Variants in GSE1 observed in about 807,000 individuals in gnomAD.
GSE1 encodes genetic suppressor element 1.
GSE1 carries 32 observed loss-of-function variants against 112.6 expected under a neutral mutation model. The ratio of observed to expected loss-of-function variants is 0.28; its 90% confidence interval spans 0.21 to 0.38. The LOEUF is 0.38. Among genes scored for constraint, GSE1 ranks in the 10% least tolerant of loss-of-function variants. The pLI is 1.00. For missense variants in GSE1, 2,348 were observed against 1,699.2 expected (o/e 1.38, Z -6.71); for synonymous variants, 1,115 against 735.6 (o/e 1.52, Z -8.35).
At chr16:85,259,993 C>G (rs574447569) in intron 1 of GSE1, among the ~76,000 whole-genome samples, 2 of 152,352 alleles carry the variant, frequency 1.3e-5, no homozygotes, top group South Asian at 2.1e-4. Context: ...AGGCCTACCG[C>G]AAGGCTCAGG....
chr16:85,502,889 G>C (rs2051417694), intron 2 of GSE1, among the ~76,000 whole-genome samples: 1 of 152,254 alleles, frequency 6.6e-6, no homozygotes, highest in South Asian at 2.1e-4. Flanking sequence ...AGAGCTGCCT[G>C]TTCCAGGAGG....
At chr16:85,258,426 G>A (rs2144084187) in intron 1 of GSE1, among the ~76,000 whole-genome samples, 1 of 152,318 alleles carries the variant, frequency 6.6e-6, no homozygotes, top group South Asian at 2.1e-4. Context: ...TTCTTCCACT[G>A]AACACATTCT....
At chr16:85,267,567 G>C (rs2144151452) in intron 1 of GSE1, among the ~76,000 whole-genome samples, 1 of 152,282 alleles carries the variant, frequency 6.6e-6, no homozygotes, top group East Asian at 1.9e-4. Flanking sequence ...CTTGCATCTA[G>C]CTGCTCTCCC....
chr16:85,564,899 C>T (rs573159310), intron 1 of GSE1, among the ~76,000 whole-genome samples: 5 of 152,206 alleles, frequency 3.3e-5, no homozygotes, highest in East Asian at 3.9e-4. Flanking sequence ...GTGTGGCGGA[C>T]GGGCCCCTTC....
intron 2 of GSE1, among the ~76,000 whole-genome samples, chr16:85,534,873 G>A (rs551259591): frequency 1.3e-5 from 2 of 152,336 alleles, no homozygotes; most frequent in Non-Finnish European, 1.5e-5. Context: ...TAGCGATTTA[G>A]CGATTTGTTG....
chr16:85,569,647 C>A (rs56341718), intron 1 of GSE1, among the ~76,000 whole-genome samples: 19,308 of 152,206 alleles, frequency 0.13, 3,174 homozygotes, highest in African/African-American at 0.37. Context: ...CAGCGCAGGA[C>A]CTCCTGGGAC....
intron 1 of GSE1, among the ~76,000 whole-genome samples, chr16:85,321,947 C>G (rs545537827): frequency 6.6e-6 from 1 of 152,318 alleles, no homozygotes; most frequent in African/African-American, 2.4e-5. Flanking sequence ...GGGGTAGAGC[C>G]AGACCCCAAG....
chr16:85,531,128 G>T (rs1299302958), intron 2 of GSE1, among the ~76,000 whole-genome samples: 4 of 152,256 alleles, frequency 2.6e-5, no homozygotes, highest in Non-Finnish European at 1.5e-5. Context: ...CTTTATTTGG[G>T]AAATGATCTC....
intron 2 of GSE1, among the ~76,000 whole-genome samples, chr16:85,468,606 G>A (rs186409233): frequency 4.7e-4 from 72 of 152,160 alleles, no homozygotes; most frequent in South Asian, 1.7e-3. Context: ...ACAGGTGTGA[G>A]ACACCACCCC....
intron 1 of GSE1, among the ~76,000 whole-genome samples, chr16:85,600,562 A>C (rs369552711): frequency 9.3e-4 from 138 of 148,644 alleles, no homozygotes; most frequent in East Asian, 2.0e-3. Context: ...CTTGTTAAAA[A>C]ACACACACAC....
intron 1 of GSE1, among the ~76,000 whole-genome samples, chr16:85,336,973 T>G (rs2046502599): frequency 6.8e-6 from 1 of 147,544 alleles, no homozygotes; most frequent in South Asian, 2.2e-4. Flanking sequence ...TAGGCACACA[T>G]ATACATGGGC....
At chr16:85,386,199 C>T (rs1317680204) in intron 2 of GSE1, among the ~76,000 whole-genome samples, 1 of 152,226 alleles carries the variant, frequency 6.6e-6, no homozygotes, top group Non-Finnish European at 1.5e-5. Flanking sequence ...TTGGGCTCAG[C>T]ATTGTGGCCA....
chr16:85,529,161 A>G (rs987470845), intron 2 of GSE1, among the ~76,000 whole-genome samples: 1 of 151,994 alleles, frequency 6.6e-6, no homozygotes, highest in African/African-American at 2.4e-5. Context: ...CCGGATGTGC[A>G]GGTGGTTAAT....
intron 2 of GSE1, among the ~76,000 whole-genome samples, chr16:85,526,430 C>T (rs1405213523): frequency 2.0e-5 from 3 of 152,248 alleles, no homozygotes; most frequent in Admixed American, 1.3e-4. Context: ...GCCAGTCCCA[C>T]GCGCGCCAGC....
intron 1 of GSE1, among the ~76,000 whole-genome samples, chr16:85,184,326 T>C (rs1018563301): frequency 2.6e-5 from 4 of 152,206 alleles, no homozygotes; most frequent in Admixed American, 2.6e-4. Context: ...CTACTCCCCC[T>C]TCCCCTGCAT....
chr16:85,382,658 G>A (rs2047574399), intron 2 of GSE1, among the ~76,000 whole-genome samples: 1 of 152,156 alleles, frequency 6.6e-6, no homozygotes, highest in Non-Finnish European at 1.5e-5. Context: ...CAGAGCCAAA[G>A]CACTGCCAAA....
At chr16:85,539,235 A>G (rs1315038731) in intron 2 of GSE1, among the ~76,000 whole-genome samples, 1 of 152,222 alleles carries the variant, frequency 6.6e-6, no homozygotes, top group Non-Finnish European at 1.5e-5. Context: ...TCTCCACCGC[A>G]GTGTCTATTT....
intron 1 of GSE1, among the ~76,000 whole-genome samples, chr16:85,615,865 C>T (rs895866181): frequency 6.6e-6 from 1 of 152,240 alleles, no homozygotes; most frequent in Non-Finnish European, 1.5e-5. Context: ...AGCTCCCCAG[C>T]TGATCCTAAC....
intron 2 of GSE1, among the ~76,000 whole-genome samples, chr16:85,482,505 C>CA (rs927556248): frequency 2.7e-5 from 4 of 148,640 alleles, no homozygotes; most frequent in African/African-American, 1.0e-4. Context: ...TCAGTTCCCC[C>CA]CCCAAATAAA....
Sources: allele counts gnomAD v4.1 joint callset (sites outside exome capture counted in the v4.1 genomes callset), GRCh38; gene constraint gnomAD v4.1.1; transcripts MANE v1.5; gene names NCBI Gene and HGNC (gene_info 2026-07-23, HGNC 2026-07-21).